Variants in KCNIP4 observed in about 807,000 individuals in gnomAD.
KCNIP4 encodes Kv channel-interacting protein 4.
In KCNIP4, 12 loss-of-function variants were observed where a neutral mutation model predicts 34.0. That is an observed-to-expected ratio of 0.35 (90% CI 0.23 to 0.57). KCNIP4 has a LOEUF of 0.57. Among genes scored for constraint, KCNIP4 ranks in the 20% least tolerant of loss-of-function variants. The probability of loss-of-function intolerance (pLI) is 0.83; values close to 1 mark genes in which losing one functional copy is unlikely to be tolerated. For missense variants in KCNIP4, 238 were observed against 311.7 expected, an observed-to-expected ratio of 0.76 and a Z score of 1.78; for synonymous variants, 124 against 102.2, an observed-to-expected ratio of 1.21 and a Z score of -1.29.
chr4:20,731,289 G>T (rs111499062), intron 8 of KCNIP4: 5 of 595,868 alleles, frequency 8.4e-6, no homozygotes, highest in African/African-American at 4.0e-5. Context: ...GCCCACATTG[G>T]ACTCAAAATC....
intron 1 of KCNIP4, among the ~76,000 whole-genome samples, chr4:21,326,277 G>C (rs1715028683): frequency 7.1e-6 from 1 of 141,354 alleles, no homozygotes; most frequent in African/African-American, 2.8e-5. Flanking sequence ...GGGTGCTCTA[G>C]AGTTGGATAT....
chr4:21,542,168 A>G (rs1390366099), intron 1 of KCNIP4, among the ~76,000 whole-genome samples: 1 of 152,116 alleles, frequency 6.6e-6, no homozygotes, highest in Admixed American at 6.6e-5. Flanking sequence ...CTAGGGTAGG[A>G]ATGGCTTCCA....
chr4:21,709,864 T>A (rs1008435044), intron 1 of KCNIP4, among the ~76,000 whole-genome samples: 4 of 152,198 alleles, frequency 2.6e-5, no homozygotes, highest in Non-Finnish European at 4.4e-5. Context: ...GTGATGCTTT[T>A]ATAACTAACT....
intron 1 of KCNIP4, among the ~76,000 whole-genome samples, chr4:20,924,996 G>A (rs999822916): frequency 1.3e-5 from 2 of 152,082 alleles, no homozygotes; most frequent in Admixed American, 1.3e-4. Context: ...ATGCAAAAAA[G>A]CACTTTTGAA....
chr4:21,549,372 T>A (rs2109012949), intron 1 of KCNIP4, among the ~76,000 whole-genome samples: 1 of 151,952 alleles, frequency 6.6e-6, no homozygotes, highest in African/African-American at 2.4e-5. Flanking sequence ...ATGGGGTGGA[T>A]CCCTCACGAA....
intron 1 of KCNIP4, among the ~76,000 whole-genome samples, chr4:21,155,833 T>C (rs1402014681): frequency 6.6e-6 from 1 of 152,200 alleles, no homozygotes; most frequent in Non-Finnish European, 1.5e-5. Context: ...GTTGGCTATA[T>C]CTGCAGGTAA....
intron 1 of KCNIP4, among the ~76,000 whole-genome samples, chr4:21,435,000 T>C (rs548594827): frequency 6.6e-6 from 1 of 152,222 alleles, no homozygotes; most frequent in African/African-American, 2.4e-5. Context: ...TGTCTTGTAA[T>C]TTAGCACAGT....
At chr4:21,060,886 C>A (rs1009857135) in intron 1 of KCNIP4, among the ~76,000 whole-genome samples, 1 of 152,124 alleles carries the variant, frequency 6.6e-6, no homozygotes, top group South Asian at 2.1e-4. Context: ...CAGCAGCAAG[C>A]ATTACCTTAA....
intron 1 of KCNIP4, among the ~76,000 whole-genome samples, chr4:20,913,482 G>C (rs1464789541): frequency 6.6e-6 from 1 of 152,074 alleles, no homozygotes; most frequent in East Asian, 1.9e-4. Context: ...ATAACCTTGT[G>C]AATATACTAA....
chr4:21,531,338 T>TCCCCCC (rs1736657541), intron 1 of KCNIP4, among the ~76,000 whole-genome samples: 1 of 57,868 alleles, frequency 1.7e-5, no homozygotes, highest in African/African-American at 7.4e-5. Flanking sequence ...CCTCCCTCCC[T>TCCCCCC]TCCCCTCCCC....
chr4:20,916,360 T>C lies in KCNIP4; in HGVS notation c.62-33651A>G, dbSNP rs569713995. ...GTTATGGTGCACTTGCCTCATCCTGTAAAATTGTGGTGATGTGGCCTATTT... is the reference window on the plus strand; with the variant it reads ...GTTATGGTGCACTTGCCTCATCCTGCAAAATTGTGGTGATGTGGCCTATTT... On this transcript the variant is annotated intron_variant, in intron 1 of 8. Transcript: ENST00000382152. The C allele has an allele frequency of 1.1e-5, 11 of 985,298 alleles. 1 individual carries two copies. In the African/African-American group the frequency reaches 1.9e-4, roughly 17 times the overall value. 61.0% of individuals were successfully genotyped at this position (985,298 alleles called of 1,614,324 possible). A position where few individuals can be genotyped will look rare whatever the true frequency, so the allele number is the denominator to read the frequency against.
chr4:20,831,615 C>T (rs1578725369), intron 3 of KCNIP4, among the ~76,000 whole-genome samples: 1 of 152,188 alleles, frequency 6.6e-6, no homozygotes, highest in Non-Finnish European at 1.5e-5. Context: ...TGGTGATTAA[C>T]TGCATGCCTT....
At chr4:21,142,001 A>AAAAACC (rs1560758984) in intron 1 of KCNIP4, among the ~76,000 whole-genome samples, 1 of 151,720 alleles carries the variant, frequency 6.6e-6, no homozygotes, top group Non-Finnish European at 1.5e-5. Context: ...AATACTAAAA[A>AAAAACC]TTTGCGAGGT....
At chr4:21,599,764 T>C (rs554854381) in intron 1 of KCNIP4, among the ~76,000 whole-genome samples, 2 of 152,184 alleles carry the variant, frequency 1.3e-5, no homozygotes, top group South Asian at 4.1e-4. Flanking sequence ...CTGTGTTAAC[T>C]TTCCTGGTTT....
intron 3 of KCNIP4, among the ~76,000 whole-genome samples, chr4:20,796,188 A>C (rs905043258): frequency 6.6e-6 from 1 of 152,234 alleles, no homozygotes; most frequent in South Asian, 2.1e-4. Context: ...AATCTAACTT[A>C]GTATATATCT....
At chr4:21,610,554 A>G (rs1345252240) in intron 1 of KCNIP4, among the ~76,000 whole-genome samples, 2 of 152,212 alleles carry the variant, frequency 1.3e-5, no homozygotes, top group Admixed American at 1.3e-4. Context: ...TTAGCCCATA[A>G]CACAGAAGAA....
In KCNIP4 at chr4:21,349,089, A is replaced by G. The variant is rs568661796; in HGVS notation, c.62-466380T>C. Among the ~76,000 whole-genome samples, 13 of 152,282 alleles carry G rather than the reference A, an allele frequency of 8.5e-5. No homozygotes were observed. In the South Asian group the frequency reaches 2.5e-3, roughly 29 times the overall value. The stretch of plus-strand genomic sequence containing the variant: ...TTCATAGCTAGTCTGGCTAAGTTAG[A>G]ACCTTGCCTTCACCATTTAGTAATT... On this transcript the variant is annotated intron_variant, in intron 1 of 8. Transcript: ENST00000382152.
At chr4:20,819,945 A>G (rs1261504488) in intron 3 of KCNIP4, among the ~76,000 whole-genome samples, 1 of 152,202 alleles carries the variant, frequency 6.6e-6, no homozygotes, top group African/African-American at 2.4e-5. Context: ...TTGATAAGTT[A>G]CCTAGTCTCA....
intron 1 of KCNIP4, among the ~76,000 whole-genome samples, chr4:21,893,758 G>A (rs1353979167): frequency 6.6e-6 from 1 of 152,048 alleles, no homozygotes; most frequent in African/African-American, 2.4e-5. Context: ...GCCCAGTTGT[G>A]GAGATGCAGT....
Sources: gnomAD v4.1 joint callset for allele counts (sites outside exome capture counted in the v4.1 genomes callset) on GRCh38, gnomAD v4.1.1 for gene constraint, MANE v1.5 for transcripts, NCBI Gene and HGNC (gene_info 2026-07-23, HGNC 2026-07-21) for gene names.